The following LINGO2 variants were observed in gnomAD, a reference collection of about 807,000 sequenced individuals.
LINGO2 encodes leucine rich repeat and Ig domain containing 2.
A neutral mutation model predicts 30.6 loss-of-function variants in LINGO2; 14 were observed. The ratio of observed to expected loss-of-function variants is 0.46; its 90% CI spans 0.30 to 0.72. LINGO2 has a LOEUF of 0.72. Ranked by LOEUF, LINGO2 falls within the 30% of genes least tolerant of loss-of-function variation. The pLI is 0.07. For missense variants in LINGO2, 729 were observed against 751.7 expected (o/e 0.97, Z 0.35); for synonymous variants, 317 against 288.5 (o/e 1.10, Z -1.00).
intron 5 of LINGO2, among the ~76,000 whole-genome samples, chr9:27,991,340 C>T (rs1214836464): frequency 1.3e-5 from 2 of 152,000 alleles, no homozygotes; most frequent in Non-Finnish European, 1.5e-5. Flanking sequence ...GGATGATTTG[C>T]TTGTGGCTTT....
chr9:28,643,483 C>T (rs1054800085), intron 1 of LINGO2, among the ~76,000 whole-genome samples: 8 of 151,990 alleles, frequency 5.3e-5, no homozygotes, highest in Non-Finnish European at 8.8e-5. Context: ...ACTGGACATA[C>T]ATATGCAGAA....
At chr9:29,033,398 A>ATATATATC in the LINGO2 span, among the ~76,000 whole-genome samples, 14 of 149,828 alleles carry the variant, frequency 9.3e-5, no homozygotes, top group South Asian at 2.1e-4. Flanking sequence ...ATATATATAT[A>ATATATATC]TCTCTTCTAT....
chr9:28,911,860 C>A, the LINGO2 span, among the ~76,000 whole-genome samples: 1 of 152,056 alleles, frequency 6.6e-6, no homozygotes, highest in South Asian at 2.1e-4. Context: ...CCAAGTAATT[C>A]TCTCATGTTA....
At chr9:28,995,340 C>G in the LINGO2 span, among the ~76,000 whole-genome samples, 1 of 152,066 alleles carries the variant, frequency 6.6e-6, no homozygotes, top group Non-Finnish European at 1.5e-5. Flanking sequence ...ACACCAGTTA[C>G]AATGGTGATC....
intron 1 of LINGO2, among the ~76,000 whole-genome samples, chr9:28,559,137 C>G (rs1240026072): frequency 6.6e-6 from 1 of 152,046 alleles, no homozygotes; most frequent in Non-Finnish European, 1.5e-5. Flanking sequence ...AAACTGTCAT[C>G]AAGTAAATAT....
chr9:28,726,022 CTTTA>C, the LINGO2 span, among the ~76,000 whole-genome samples: 1 of 151,980 alleles, frequency 6.6e-6, no homozygotes, highest in Non-Finnish European at 1.5e-5. Context: ...GAATACACAA[CTTTA>C]TTTCATTCTA....
chr9:28,832,432 C>A, the LINGO2 span, among the ~76,000 whole-genome samples: 1 of 152,150 alleles, frequency 6.6e-6, no homozygotes, highest in Admixed American at 6.6e-5. Context: ...ACCAGTGATT[C>A]AACTCAGTTC....
chr9:28,304,246 A>ATG (rs916273955), intron 3 of LINGO2, among the ~76,000 whole-genome samples: 1 of 148,300 alleles, frequency 6.7e-6, no homozygotes, highest in Middle Eastern at 3.2e-3. Flanking sequence ...AAAATTTAAA[A>ATG]TGTATATATA....
the LINGO2 span, among the ~76,000 whole-genome samples, chr9:28,815,503 A>C: frequency 6.6e-6 from 1 of 152,048 alleles, no homozygotes; most frequent in Non-Finnish European, 1.5e-5. Context: ...CATTAACTCA[A>C]AAAGCTGATT....
chr9:27,974,678 C>G (rs981758298), intron 5 of LINGO2, among the ~76,000 whole-genome samples: 1 of 151,900 alleles, frequency 6.6e-6, no homozygotes, highest in African/African-American at 2.4e-5. Flanking sequence ...ACGTTTTGAC[C>G]ATAAACAGTT....
At chr9:28,465,022 C>A (rs192740596) in intron 2 of LINGO2, among the ~76,000 whole-genome samples, 2 of 152,156 alleles carry the variant, frequency 1.3e-5, no homozygotes, top group African/African-American at 4.8e-5. Context: ...GCCGCCCCCC[C>A]GCCCCACATA....
chr9:28,234,375 G>A (rs1213509813), intron 4 of LINGO2, among the ~76,000 whole-genome samples: 2 of 152,140 alleles, frequency 1.3e-5, no homozygotes, highest in Admixed American at 6.5e-5. Flanking sequence ...GGAAGGGTGT[G>A]AAAAACTCAG....
At chr9:28,240,011 T>C (rs1204822734) in intron 4 of LINGO2, among the ~76,000 whole-genome samples, 4 of 151,752 alleles carry the variant, frequency 2.6e-5, no homozygotes, top group Non-Finnish European at 5.9e-5. Context: ...GAAAAATAAA[T>C]TAAAAAGTAA....
chr9:28,705,658 G>T, the LINGO2 span, among the ~76,000 whole-genome samples: 1 of 152,260 alleles, frequency 6.6e-6, no homozygotes, highest in East Asian at 1.9e-4. Flanking sequence ...TGAAAGCCTG[G>T]TAGAGATTCT....
the LINGO2 span, among the ~76,000 whole-genome samples, chr9:28,964,931 C>T: frequency 1.3e-5 from 2 of 151,844 alleles, no homozygotes; most frequent in African/African-American, 4.8e-5. Flanking sequence ...AGAACTTTTA[C>T]TTCTCACCAA....
chr9:28,489,792 G>A (rs762404590), intron 1 of LINGO2, among the ~76,000 whole-genome samples: 16 of 151,108 alleles, frequency 1.1e-4, no homozygotes, highest in African/African-American at 2.7e-4. Context: ...CAGCTACTCC[G>A]GAGGCTGAGG....
At chr9:28,376,139 A>G (rs1333826718) in intron 2 of LINGO2, among the ~76,000 whole-genome samples, 1 of 151,834 alleles carries the variant, frequency 6.6e-6, no homozygotes, top group Non-Finnish European at 1.5e-5. Context: ...TAAAAATAAA[A>G]TGTTGAGGAG....
the LINGO2 span, among the ~76,000 whole-genome samples, chr9:29,104,432 A>C: frequency 6.6e-6 from 1 of 152,048 alleles, no homozygotes; most frequent in Non-Finnish European, 1.5e-5. Flanking sequence ...ACCTTCCACC[A>C]CAACTGTAAG....
At chr9:28,635,470 G>C (rs1183569563) in intron 1 of LINGO2, among the ~76,000 whole-genome samples, 1 of 152,228 alleles carries the variant, frequency 6.6e-6, no homozygotes, top group Admixed American at 6.5e-5. Flanking sequence ...AAAGTGTAGA[G>C]AGTATTCAGA....
Sources: allele counts gnomAD v4.1 joint callset (sites outside exome capture counted in the v4.1 genomes callset), GRCh38; gene constraint gnomAD v4.1.1; transcripts MANE v1.5; gene names NCBI Gene and HGNC (gene_info 2026-07-23, HGNC 2026-07-21).